The following CLSTN2 variants were observed in gnomAD, a reference collection of about 807,000 sequenced individuals.
CLSTN2 encodes the protein calsyntenin-2.
Under a neutral mutation model 101.2 loss-of-function variants are expected in CLSTN2, and 48 were observed. That is an observed-to-expected ratio of 0.47 (90% confidence interval 0.38 to 0.60). The LOEUF is 0.60. Among genes scored for constraint, CLSTN2 ranks in the 20% least tolerant of loss-of-function variants. The probability of loss-of-function intolerance (pLI) is 0.00; values close to 1 mark genes in which losing one functional copy is unlikely to be tolerated. For missense variants in CLSTN2, 1,160 were observed against 1,238.2 expected (o/e 0.94, Z 0.95); for synonymous variants, 481 against 463.6 (o/e 1.04, Z -0.48).
intron 2 of CLSTN2, among the ~76,000 whole-genome samples, chr3:140,400,396 G>A (rs879655116): frequency 6.6e-6 from 1 of 152,134 alleles, no homozygotes; most frequent in Non-Finnish European, 1.5e-5. Flanking sequence ...GAGGTTCAAA[G>A]ATAAAATTAT....
At chr3:140,310,271 G>A (rs888493799) in intron 2 of CLSTN2, among the ~76,000 whole-genome samples, 7 of 151,936 alleles carry the variant, frequency 4.6e-5, no homozygotes, top group South Asian at 2.1e-4. Flanking sequence ...GCCCATAGGC[G>A]CCCCCACCGC....
intron 2 of CLSTN2, among the ~76,000 whole-genome samples, chr3:140,392,705 A>G (rs1275466343): frequency 1.3e-5 from 2 of 152,116 alleles, no homozygotes; most frequent in South Asian, 4.2e-4. Flanking sequence ...CTAAGTTCCT[A>G]AAGACACTAG....
At chr3:140,362,871 G>A (rs2087744523) in intron 2 of CLSTN2, among the ~76,000 whole-genome samples, 1 of 152,042 alleles carries the variant, frequency 6.6e-6, no homozygotes, top group Non-Finnish European at 1.5e-5. Flanking sequence ...TACATTTCTT[G>A]GTGGGGGTGG....
chr3:140,282,286 T>G (rs2086855465), intron 2 of CLSTN2, among the ~76,000 whole-genome samples: 1 of 152,146 alleles, frequency 6.6e-6, no homozygotes, highest in Non-Finnish European at 1.5e-5. Context: ...ACTGCTAAAC[T>G]AGGTTCTTAA....
intron 1 of CLSTN2, among the ~76,000 whole-genome samples, chr3:139,964,499 C>T (rs1275227464): frequency 6.6e-6 from 1 of 152,074 alleles, no homozygotes. Flanking sequence ...AACTTGGTTT[C>T]AAAGTGTCAT....
chr3:140,311,978 A>G (rs1374774426), intron 2 of CLSTN2, among the ~76,000 whole-genome samples: 2 of 152,200 alleles, frequency 1.3e-5, no homozygotes, highest in Non-Finnish European at 2.9e-5. Flanking sequence ...TTCAATTCTC[A>G]TTAGAGTCAC....
chr3:140,491,275 T>G lies in CLSTN2; in HGVS notation c.1344+24544T>G, dbSNP rs368325418. ...ACACATTTTCCAAATCCTCATTTCA[T>G]CCTTGCCCTGGATTTGCTGGTGGTA... On this transcript the variant is annotated intron_variant, in intron 8 of 16. Transcript: ENST00000458420. Among the ~76,000 whole-genome samples, 11 of 152,344 alleles carry G rather than the reference T, an allele frequency of 7.2e-5. No homozygotes were observed. The East Asian group carries it at 1.2e-3, about 16-fold the overall frequency.
intron 2 of CLSTN2, among the ~76,000 whole-genome samples, chr3:140,242,172 C>G (rs1008902726): frequency 2.0e-5 from 3 of 151,986 alleles, no homozygotes; most frequent in Non-Finnish European, 4.4e-5. Context: ...TTGGCCTCCC[C>G]AAGTACTGGG....
At chr3:139,964,668 T>A (rs1209748045) in intron 1 of CLSTN2, among the ~76,000 whole-genome samples, 2 of 151,604 alleles carry the variant, frequency 1.3e-5, no homozygotes, top group Admixed American at 1.3e-4. Flanking sequence ...CTGGAGGGAG[T>A]GAGGTGGGTA....
rs758630010 is a variant in CLSTN2, at chr3:140,546,639, G to A, written c.1632G>A (p.Gly544=). 6.2e-7 allele frequency: 1 copy of A among 1,613,800 alleles called. No individual in the cohort carries two copies. Among genetic ancestry groups the A allele is most frequent in the Admixed American group, 1.7e-5 (1 of 60,010 alleles). The change falls in exon 10 of 17, where the codon GGG becomes GGA. Residue 544 remains glycine (G), a synonymous_variant. Transcript: ENST00000458420. ...CCTGCCTGCAGGCCTGCAAGGAAGG[G>A]CTGGACATTAATTCCTTGGAAAGCC... is the stretch of plus-strand genomic sequence containing the variant. ...VISCLQACKE[G]LDINSLESLG...
intron 1 of CLSTN2, among the ~76,000 whole-genome samples, chr3:140,152,560 C>G (rs1462361329): frequency 6.6e-6 from 1 of 152,178 alleles, no homozygotes; most frequent in African/African-American, 2.4e-5. Context: ...TCCCACCAAA[C>G]CCAATAGTTA....
intron 2 of CLSTN2, among the ~76,000 whole-genome samples, chr3:140,241,405 G>A (rs941131488): frequency 9.9e-5 from 15 of 152,056 alleles, no homozygotes; most frequent in African/African-American, 1.9e-4. Flanking sequence ...TCAATGTTTC[G>A]TGAGTCCACC....
chr3:140,412,877 G>A (rs193026966), intron 4 of CLSTN2, among the ~76,000 whole-genome samples: 5 of 152,260 alleles, frequency 3.3e-5, no homozygotes, highest in Admixed American at 6.5e-5. Flanking sequence ...CTTTTCGGAT[G>A]TAGGAAAGGC....
At chr3:140,511,596 G>A (rs899534296) in intron 8 of CLSTN2, among the ~76,000 whole-genome samples, 4 of 135,678 alleles carry the variant, frequency 2.9e-5, no homozygotes, top group Non-Finnish European at 4.6e-5. Context: ...GTCACCCAGC[G>A]TGGAGTGCAG....
At chr3:140,517,798 T>A (rs543117071) in intron 8 of CLSTN2, among the ~76,000 whole-genome samples, 3 of 152,180 alleles carry the variant, frequency 2.0e-5, no homozygotes, top group Non-Finnish European at 4.4e-5. Flanking sequence ...TTGGTTGACT[T>A]CTAGCCCAGA....
chr3:139,968,105 C>G (rs148147650), intron 1 of CLSTN2, among the ~76,000 whole-genome samples: 1 of 152,282 alleles, frequency 6.6e-6, no homozygotes, highest in East Asian at 1.9e-4. Flanking sequence ...AAATAAGACT[C>G]TCCTTTTGGA....
intron 1 of CLSTN2, among the ~76,000 whole-genome samples, chr3:140,032,233 G>A (rs1239151786): frequency 2.7e-5 from 4 of 146,258 alleles, no homozygotes; most frequent in South Asian, 4.3e-4. Context: ...TATTTCACAT[G>A]TAACCTTTTT....
At chr3:140,202,493 G>A (rs567301074) in intron 2 of CLSTN2, among the ~76,000 whole-genome samples, 1 of 152,226 alleles carries the variant, frequency 6.6e-6, no homozygotes, top group African/African-American at 2.4e-5. Flanking sequence ...AAGGATGCGG[G>A]TGGAGTAGGT....
chr3:140,521,921 T>C (rs1047592854), intron 8 of CLSTN2, among the ~76,000 whole-genome samples: 1 of 152,138 alleles, frequency 6.6e-6, no homozygotes, highest in African/African-American at 2.4e-5. Flanking sequence ...CCTAGGGGTA[T>C]GTAGGGATTG....
Sources: gnomAD v4.1 joint callset for allele counts (sites outside exome capture counted in the v4.1 genomes callset) on GRCh38, gnomAD v4.1.1 for gene constraint, MANE v1.5 for transcripts, NCBI Gene and HGNC (gene_info 2026-07-23, HGNC 2026-07-21) for gene names.